Variants in ABCA13 observed in about 807,000 individuals in gnomAD.
The protein encoded by ABCA13 is ATP-binding cassette sub-family A member 13.
In ABCA13, 476 loss-of-function variants were observed where a neutral mutation model predicts 478.7. That is an observed-to-expected ratio of 0.99 (90% CI 0.92 to 1.07). The LOEUF is 1.07. Ranked by LOEUF, ABCA13 falls within the 50% of genes least tolerant of loss-of-function variation. The pLI is 0.00. For missense variants in ABCA13, 6,060 were observed against 5,910.6 expected (o/e 1.03, Z -0.83); for synonymous variants, 2,252 against 2,158.9 (o/e 1.04, Z -1.20).
Position 48,273,330 on chromosome 7 carries a change from T to C in ABCA13, c.3664T>C (p.Phe1222Leu). 1 of 1,613,668 alleles carries C rather than the reference T, an allele frequency of 6.2e-7. No individual in the cohort carries two copies. Among genetic ancestry groups the C allele is most frequent in the African/African-American group, 1.3e-5 (1 of 75,040 alleles). The change falls in exon 17 of 62, where the codon TTC becomes CTC. Residue 1222 changes from phenylalanine to leucine, a missense_variant. By Grantham distance (22) the Phe-to-Leu change is conservative. Around this residue, in one of 3 missense-constraint regions of ABCA13, gnomAD observed 4,423 missense variants for 4,309.1 expected, o/e 1.03. Coordinates refer to ENST00000435803, the MANE Select transcript of ABCA13 (RefSeq NM_152701.5). ...TAAAAATGTAACTCAAGCCAATGACTTCCATAATTGGGAGGACTTCCTGGA... is the reference window on the plus strand; with the variant it reads ...TAAAAATGTAACTCAAGCCAATGACCTCCATAATTGGGAGGACTTCCTGGA... The part of the protein sequence containing the change: ...LFKNVTQAND[F>L]HNWEDFLDLR...
chr7:48,374,526 T>C, intron 34 of ABCA13, 110 bp downstream of exon 34: 1 of 1,001,642 alleles, frequency 1.0e-6, no homozygotes, highest in Non-Finnish European at 1.5e-6. Flanking sequence ...AGTAGAGCAT[T>C]CAGAATGAGG....
intron 41 of ABCA13, among the ~76,000 whole-genome samples, chr7:48,423,327 G>T (rs1327035418): frequency 6.6e-6 from 1 of 152,304 alleles, no homozygotes; most frequent in East Asian, 1.9e-4. Flanking sequence ...TTCTTCCTCT[G>T]CTCAAGTCAT....
intron 31 of ABCA13, among the ~76,000 whole-genome samples, chr7:48,354,594 A>G (rs765108140): frequency 1.8e-4 from 27 of 152,078 alleles, no homozygotes; most frequent in Non-Finnish European, 3.4e-4. Context: ...ATACCCAGGT[A>G]TGATTCTGAT....
intron 24 of ABCA13, among the ~76,000 whole-genome samples, chr7:48,311,311 AT>A (rs1459962422): frequency 5.9e-5 from 9 of 152,154 alleles, no homozygotes; most frequent in Non-Finnish European, 2.9e-5. Flanking sequence ...TTTCAGAATG[AT>A]TACATTTTAA....
chr7:48,430,707 C>T (rs1278582221), intron 42 of ABCA13, among the ~76,000 whole-genome samples: 3 of 145,064 alleles, frequency 2.1e-5, no homozygotes, highest in Admixed American at 2.1e-4. Flanking sequence ...AGTGATGTTT[C>T]ACCTTTCATT....
At position 48,275,768 on chromosome 7, in the gene ABCA13, C is replaced by A; in HGVS notation, c.6102C>A (p.Val2034=). The A allele has an allele frequency of 6.2e-7, 1 of 1,611,014 alleles. No homozygotes were observed. The highest frequency in any genetic ancestry group is 1.1e-5 in the South Asian group (1 of 90,604). Residue 2034 remains valine (V), a synonymous_variant, in exon 17 of 62, where the codon GTC becomes GTA. Coordinates refer to ENST00000435803, the MANE Select transcript of ABCA13 (RefSeq NM_152701.5). ...SLFMMLQNAN[V]TGSSLEALSS... ...TCATGATGCTCCAGAATGCAAATGT[C>A]ACAGGTAGCAGTTTAGAAGCATTAT...
At chr7:48,177,298 G>T (rs902345744) in intron 1 of ABCA13, among the ~76,000 whole-genome samples, 1 of 152,232 alleles carries the variant, frequency 6.6e-6, no homozygotes. Flanking sequence ...TGAGGTGCCT[G>T]ATCTCTCTCA....
At chr7:48,501,994 G>A (rs1481589938) in intron 48 of ABCA13, among the ~76,000 whole-genome samples, 1 of 152,010 alleles carries the variant, frequency 6.6e-6, no homozygotes, top group East Asian at 1.9e-4. Flanking sequence ...GGAACACAAG[G>A]GCCTGTCCAA....
In ABCA13 at chr7:48,372,184, G is replaced by A. The variant is rs1812741048; in HGVS notation, c.10820G>A (p.Gly3607Glu). Residue 3607 changes from glycine (G) to glutamate (E), a missense_variant, in exon 33 of 62, where the codon GGA becomes GAA. Transcript: ENST00000435803. ...IQIEEYMRMMGVHPVIHFLAW... is the reference protein window; with the variant it reads ...IQIEEYMRMMEVHPVIHFLAW... ...TTTTGGTAGTATATGCGGATGATGG[G>A]AGTGCATCCAGTGATCCATTTCCTG... is the stretch of plus-strand genomic sequence containing the variant. 2 of 1,613,062 alleles carry A rather than the reference G, an allele frequency of 1.2e-6. No homozygotes were observed. Among genetic ancestry groups the A allele is most frequent in the South Asian group, 2.2e-5 (2 of 91,052 alleles).
At chr7:48,191,690 G>A (rs530456108) in intron 1 of ABCA13, among the ~76,000 whole-genome samples, 1 of 152,290 alleles carries the variant, frequency 6.6e-6, no homozygotes, top group Admixed American at 6.5e-5. Context: ...TTACAGGTGT[G>A]AGCCACCGTG....
chr7:48,341,430 G>A (rs957643235), intron 29 of ABCA13, among the ~76,000 whole-genome samples: 1 of 151,948 alleles, frequency 6.6e-6, no homozygotes, highest in Admixed American at 6.6e-5. Context: ...TTGTTTTGTT[G>A]TCATGTTTTG....
chr7:48,304,871 C>G (rs1471118480), intron 23 of ABCA13, among the ~76,000 whole-genome samples: 2 of 152,230 alleles, frequency 1.3e-5, no homozygotes, highest in Admixed American at 1.3e-4. Context: ...AGATGCTTAT[C>G]CACAGATCTC....
chr7:48,463,113 T>TTTTTG (rs994401802), intron 43 of ABCA13, among the ~76,000 whole-genome samples: 2 of 152,150 alleles, frequency 1.3e-5, no homozygotes, highest in Non-Finnish European at 2.9e-5. Flanking sequence ...CTTCTCTGTT[T>TTTTTG]TTTTGTTTTG....
At chr7:48,231,057 C>T (rs562369104) in intron 7 of ABCA13, among the ~76,000 whole-genome samples, 8 of 151,776 alleles carry the variant, frequency 5.3e-5, no homozygotes, top group Admixed American at 1.3e-4. Flanking sequence ...CTAATGCATG[C>T]GGGTCTTAAA....
intron 6 of ABCA13, among the ~76,000 whole-genome samples, chr7:48,229,024 T>C (rs985075423): frequency 6.6e-6 from 1 of 152,202 alleles, no homozygotes; most frequent in Non-Finnish European, 1.5e-5. Context: ...CAGGTTTCAG[T>C]GATATATCTT....
In ABCA13 at chr7:48,374,352, T is replaced by G; in HGVS notation, c.11139T>G (p.Leu3713=). Residue 3713 remains leucine (L), a synonymous_variant, in exon 34 of 62, where the codon CTT becomes CTG. Transcript: ENST00000435803. Reference sequence around the variant, plus strand: ...CTCCATCAATCTGTGGGCAGTGCCTTCTTTCGACAACCGCCTTTGGACAAG... The same window carrying G: ...CTCCATCAATCTGTGGGCAGTGCCTGCTTTCGACAACCGCCTTTGGACAAG... The part of the protein sequence containing the change: ...LSFVNQTFLC[L]LSTTAFGQGV... 3 of 1,609,226 alleles carry G rather than the reference T, an allele frequency of 1.9e-6. No individual in the cohort carries two copies.
chr7:48,368,839 T>C (rs1039434466), intron 32 of ABCA13, among the ~76,000 whole-genome samples: 2 of 151,172 alleles, frequency 1.3e-5, no homozygotes, highest in Admixed American at 6.6e-5. Flanking sequence ...GGCATCTGGG[T>C]TGGTTCCATA....
chr7:48,583,979 T>C (rs1435544355), intron 56 of ABCA13, among the ~76,000 whole-genome samples: 1 of 152,236 alleles, frequency 6.6e-6, no homozygotes, highest in Non-Finnish European at 1.5e-5. Flanking sequence ...TTTAACCTTT[T>C]GTGAAATTGG....
At chr7:48,263,857 G>T (rs553244647) in intron 15 of ABCA13, among the ~76,000 whole-genome samples, 1 of 151,914 alleles carries the variant, frequency 6.6e-6, no homozygotes, top group African/African-American at 2.4e-5. Flanking sequence ...TCACATCCAT[G>T]TTGACATATA....
Sources: gnomAD v4.1 joint callset for allele counts (sites outside exome capture counted in the v4.1 genomes callset) on GRCh38, gnomAD v4.1.1 for gene constraint, gnomAD v4.1.1 regional missense constraint, MANE v1.5 for transcripts, NCBI Gene and HGNC (gene_info 2026-07-23, HGNC 2026-07-21) for gene names.